TENM1: variants seen among roughly 807,000 people sequenced by gnomAD.
TENM1 encodes teneurin transmembrane protein 1.
TENM1 carries 35 observed loss-of-function variants against 174.8 expected under a neutral mutation model. The observed-to-expected ratio is 0.20, with a 90% CI of 0.15 to 0.27. The LOEUF (loss-of-function observed/expected upper bound fraction) is 0.27, where lower values mean the gene tolerates loss of function less well. Ranked by LOEUF, TENM1 falls within the 10% of genes least tolerant of loss-of-function variation. The pLI is 1.00. For missense variants in TENM1, 1,633 were observed against 2,130.1 expected, an observed-to-expected ratio of 0.77 and a Z score of 4.59; for synonymous variants, 781 against 798.7, an observed-to-expected ratio of 0.98 and a Z score of 0.37.
At chrX:124,655,995 G>T (rs1280857064) in intron 6 of TENM1, among the ~76,000 whole-genome samples, 2 of 111,920 alleles carry the variant, frequency 1.8e-5, no homozygotes, top group African/African-American at 6.5e-5. Flanking sequence ...ACTTCTGTTC[G>T]CAAGTTAATG....
the TENM1 span, among the ~76,000 whole-genome samples, chrX:124,971,586 C>A: frequency 9.0e-6 from 1 of 111,478 alleles, no homozygotes; most frequent in East Asian, 2.8e-4. Flanking sequence ...TATAAAGATA[C>A]CATGAACATC....
chrX:124,679,330 G>C (rs1024743045), intron 5 of TENM1, among the ~76,000 whole-genome samples: 2 of 111,655 alleles, frequency 1.8e-5, no homozygotes, highest in African/African-American at 6.5e-5. Context: ...TACTTCCAAG[G>C]CTTGTCAAAA....
chrX:124,955,393 G>T (rs1479889055), intron 1 of TENM1, among the ~76,000 whole-genome samples: 4 of 86,580 alleles, frequency 4.6e-5, no homozygotes, highest in African/African-American at 1.7e-4. Flanking sequence ...AGTCAGCAAT[G>T]ACCTTCTAAA....
In TENM1 at chrX:124,704,763, A is replaced by G. The variant is rs762821753; in HGVS notation, c.1015+250T>C. Reference sequence around the variant, plus strand: ...TTAATTGAAGGGAAAATGGTTAACTACAGTAATTGCGATCAATAAGACTGT... The same window carrying G: ...TTAATTGAAGGGAAAATGGTTAACTGCAGTAATTGCGATCAATAAGACTGT... On this transcript the variant is annotated intron_variant, in intron 5 of 31. Coordinates refer to ENST00000422452, the Ensembl canonical transcript of TENM1. Among the ~76,000 whole-genome samples, 3 of 111,152 alleles carry G rather than the reference A, an allele frequency of 2.7e-5. No individual in the cohort carries two copies. The East Asian group carries it at 8.5e-4, about 31-fold the overall frequency.
intron 1 of TENM1, 56 bp downstream of exon 4, chrX:124,963,481 A>C: frequency 9.5e-7 from 1 of 1,055,641 alleles, no homozygotes; most frequent in South Asian, 2.0e-5. Context: ...GTTTATGCAC[A>C]CAAGCATTCT....
chrX:125,030,436 T>G, the TENM1 span, among the ~76,000 whole-genome samples: 1 of 112,397 alleles, frequency 8.9e-6, no homozygotes, highest in Non-Finnish European at 1.9e-5. Context: ...CATTACATTT[T>G]TTTCTAGGTG....
intron 3 of TENM1, among the ~76,000 whole-genome samples, chrX:124,844,776 C>T (rs1329591028): frequency 1.8e-5 from 2 of 111,664 alleles, no homozygotes; most frequent in Non-Finnish European, 3.8e-5. Flanking sequence ...TTTTTAGGGA[C>T]GTACCTTCAG....
At chrX:124,548,171 C>T (rs890443975) in intron 14 of TENM1, among the ~76,000 whole-genome samples, 2 of 111,880 alleles carry the variant, frequency 1.8e-5, no homozygotes, top group Non-Finnish European at 3.8e-5. Context: ...TACATGAATG[C>T]GATGACTTTC....
At chrX:124,621,429 C>T (rs1005685308) in intron 11 of TENM1, among the ~76,000 whole-genome samples, 2 of 111,741 alleles carry the variant, frequency 1.8e-5, no homozygotes, top group African/African-American at 6.5e-5. Context: ...GCTGAGATCA[C>T]GCCACTGCAT....
chrX:124,451,922 C>G (rs1359673708), intron 23 of TENM1, among the ~76,000 whole-genome samples: 2 of 111,888 alleles, frequency 1.8e-5, no homozygotes, highest in Non-Finnish European at 3.8e-5. Context: ...AAAAACCCTA[C>G]AAGAAAACCT....
chrX:124,446,869 C>T (rs2060970845), intron 23 of TENM1, among the ~76,000 whole-genome samples: 1 of 111,959 alleles, frequency 8.9e-6, no homozygotes, highest in South Asian at 3.7e-4. Flanking sequence ...GGGAACTCCA[C>T]AAAAAATTTT....
At chrX:125,044,212 TA>T in the TENM1 span, among the ~76,000 whole-genome samples, 222 of 74,836 alleles carry the variant, frequency 3.0e-3, 1 homozygote, top group Middle Eastern at 0.036. Context: ...TAAAAAAAAA[TA>T]AAAAAAAAAT....
chrX:125,100,361 A>T, the TENM1 span, among the ~76,000 whole-genome samples: 1 of 112,150 alleles, frequency 8.9e-6, no homozygotes, highest in Non-Finnish European at 1.9e-5. Context: ...GCAGAGCCAC[A>T]AGTGGTTTAT....
At chrX:125,179,363 G>A in the TENM1 span, among the ~76,000 whole-genome samples, 3 of 110,436 alleles carry the variant, frequency 2.7e-5, no homozygotes. Flanking sequence ...TGCTAATCCT[G>A]GTGCTTTTGG....
intron 8 of TENM1, among the ~76,000 whole-genome samples, chrX:124,647,213 T>C (rs1039174581): frequency 3.6e-5 from 4 of 111,985 alleles, no homozygotes; most frequent in Non-Finnish European, 7.5e-5. Context: ...TTTTCAAATT[T>C]AGGTTTTAGC....
the TENM1 span, among the ~76,000 whole-genome samples, chrX:125,092,680 A>T: frequency 1.8e-5 from 2 of 111,898 alleles, no homozygotes; most frequent in Non-Finnish European, 3.8e-5. Flanking sequence ...ACCAACTCCT[A>T]CCAGAAAATA....
At chrX:125,002,178 T>C in the TENM1 span, among the ~76,000 whole-genome samples, 1 of 111,683 alleles carries the variant, frequency 9.0e-6, no homozygotes, top group Non-Finnish European at 1.9e-5. Flanking sequence ...GTAGTTGGTA[T>C]ACAGTATGTT....
At chrX:125,120,468 A>C in the TENM1 span, among the ~76,000 whole-genome samples, 2 of 107,758 alleles carry the variant, frequency 1.9e-5, no homozygotes, top group African/African-American at 6.8e-5. Context: ...GCCCTCCCCC[A>C]ACCTGCCCCC....
intron 3 of TENM1, among the ~76,000 whole-genome samples, chrX:124,795,537 G>T (rs1243211297): frequency 9.0e-6 from 1 of 111,561 alleles, no homozygotes; most frequent in African/African-American, 3.3e-5. Context: ...AAATATGATG[G>T]TAAGTGTAAT....
Sources: allele counts gnomAD v4.1 joint callset (sites outside exome capture counted in the v4.1 genomes callset), GRCh38; gene constraint gnomAD v4.1.1; transcripts MANE v1.5; gene names NCBI Gene and HGNC (gene_info 2026-07-23, HGNC 2026-07-21).